Variants in ABCC5 observed in about 807,000 individuals in gnomAD.
ABCC5 encodes ATP binding cassette subfamily C member 5.
Under a neutral mutation model 160.9 loss-of-function variants are expected in ABCC5, and 61 were observed. That is an observed-to-expected ratio of 0.38 (90% CI 0.31 to 0.47). The LOEUF (loss-of-function observed/expected upper bound fraction) is 0.47. Among genes scored for constraint, ABCC5 ranks in the 20% least tolerant of loss-of-function variants. ABCC5 has a pLI of 0.99. For missense variants in ABCC5, 1,308 were observed against 1,813.3 expected (o/e 0.72, Z 5.06); for synonymous variants, 666 against 700.6 (o/e 0.95, Z 0.78).
chr3:183,994,851 CTA>C (rs1303397424), intron 2 of ABCC5, among the ~76,000 whole-genome samples: 6 of 140,634 alleles, frequency 4.3e-5, no homozygotes, highest in Non-Finnish European at 9.3e-5. Flanking sequence ...TGCCCATTTT[CTA>C]TGTTTTTTTT....
chr3:183,942,694 A>G, intron 25 of ABCC5, 33 bp downstream of exon 25: 1 of 1,601,050 alleles, frequency 6.2e-7, no homozygotes, highest in Non-Finnish European at 8.5e-7. Flanking sequence ...GCTACGTTCC[A>G]ATGGATTCAA....
chr3:183,976,336 G>C (rs1466669695), intron 10 of ABCC5, among the ~76,000 whole-genome samples: 1 of 152,016 alleles, frequency 6.6e-6, no homozygotes, highest in African/African-American at 2.4e-5. Flanking sequence ...CTCACTGCAG[G>C]CTCGACCTCC....
chr3:183,941,559 G>A (rs914960601), intron 25 of ABCC5, among the ~76,000 whole-genome samples: 10 of 151,364 alleles, frequency 6.6e-5, no homozygotes, highest in Non-Finnish European at 1.0e-4. Flanking sequence ...AGCTAGAAGA[G>A]TTTTGATGCC....
chr3:183,967,475 A>G (rs2108828429), intron 12 of ABCC5: 1 of 523,934 alleles, frequency 1.9e-6, no homozygotes, highest in African/African-American at 1.9e-5. Context: ...AGCTGGGACA[A>G]CAGTCAGTCA....
chr3:183,933,712 C>T (rs1477858828), intron 26 of ABCC5, among the ~76,000 whole-genome samples: 1 of 152,078 alleles, frequency 6.6e-6, no homozygotes, highest in Non-Finnish European at 1.5e-5. Flanking sequence ...AATTATCTGG[C>T]CTATGATTTA....
intron 26 of ABCC5, among the ~76,000 whole-genome samples, chr3:183,932,728 C>G (rs1713296004): frequency 6.6e-6 from 1 of 152,168 alleles, no homozygotes; most frequent in Admixed American, 6.6e-5. Flanking sequence ...CTTTGGGAGG[C>G]AGAGGTGGGA....
Position 183,952,013 on chromosome 3 carries a change from G to C in ABCC5, c.2668-10C>G. The C allele has an allele frequency of 6.2e-7, 1 of 1,603,652 alleles. No homozygotes were observed. The highest frequency in any genetic ancestry group is 8.5e-7 in the Non-Finnish European group (1 of 1,172,178). On this transcript the variant is annotated splice_polypyrimidine_tract_variant and intron_variant, in intron 18 of 29. Coordinates refer to ENST00000334444, the MANE Select transcript of ABCC5 (RefSeq NM_005688.4). ...GAGTCACAGTGGTGTTCTGTTTGAA[G>C]CCAAAGTTCTATGAGGCCAGACTCC... is the stretch of plus-strand genomic sequence containing the variant.
Position 183,921,553 on chromosome 3 carries a change from A to G in ABCC5, c.4213-152T>C. The G allele has an allele frequency of 2.0e-6, 1 of 494,294 alleles. No homozygotes were observed. The allele number at this position is 494,294 out of a possible 1,614,324, so 30.6% of individuals were successfully genotyped here. A position where few individuals can be genotyped will look rare whatever the true frequency, so the allele number is the denominator to read the frequency against. Reference sequence around the variant, plus strand: ...CGTGCACCTCCCCCCTTATTTTTTTATTTTCAACTATCCAGGGAGTAAGGG... The same window carrying G: ...CGTGCACCTCCCCCCTTATTTTTTTGTTTTCAACTATCCAGGGAGTAAGGG... On this transcript the variant is annotated intron_variant, in intron 29 of 29. Transcript: ENST00000334444. The surrounding 1 kb of genome is among the most constrained non-coding windows in gnomAD (Gnocchi z 4.1).
rs755404829 is a variant in ABCC5, at chr3:183,951,936, T to C, written c.2735A>G (p.Gln912Arg). ...GAGGGCGTAGATGCTGGCATAGTAC[T>C]GCATATGAGGATTGTCCTTCATGCT... ...SDSMKDNPHM[Q>R]YYASIYALSM... Residue 912 changes from glutamine to arginine, a missense_variant, in exon 19 of 30, where the codon CAG (glutamine) becomes CGG (arginine). Around this residue, in one of 3 missense-constraint regions of ABCC5, gnomAD observed 1,142 missense variants for 1,527.1 expected, o/e 0.75. Transcript: ENST00000334444. The surrounding 1 kb of genome is among the most constrained non-coding windows in gnomAD (Gnocchi z 4.7). The C allele has an allele frequency of 3.1e-6, 5 of 1,613,998 alleles. No homozygotes were observed. In the South Asian group the frequency reaches 5.5e-5, roughly 18 times the overall value.
chr3:183,970,130 C>T (rs1265940803), intron 11 of ABCC5, among the ~76,000 whole-genome samples: 2 of 152,172 alleles, frequency 1.3e-5, no homozygotes, highest in South Asian at 2.1e-4. Context: ...CTCCTCTTCC[C>T]ACTTGGAGTA....
chr3:184,003,663 G>T (rs1720937982), intron 2 of ABCC5, among the ~76,000 whole-genome samples: 1 of 152,170 alleles, frequency 6.6e-6, no homozygotes, highest in African/African-American at 2.4e-5. Flanking sequence ...TGATCAGCTA[G>T]CAATACAATT....
Position 183,981,883 on chromosome 3 carries a change from A to T in ABCC5, c.1000-9T>A. ...AGCCGTGATGCAAACATCTGAAAGG[A>T]AAAGCGATGCCACGCCAAATTAAAG... is the stretch of plus-strand genomic sequence containing the variant. On this transcript the variant is annotated splice_polypyrimidine_tract_variant and intron_variant, in intron 7 of 29. Coordinates refer to ENST00000334444, the MANE Select transcript of ABCC5 (RefSeq NM_005688.4). The T allele has an allele frequency of 1.9e-6, 3 of 1,587,556 alleles. No homozygotes were observed. Among genetic ancestry groups the T allele is most frequent in the Non-Finnish European group, 2.6e-6 (3 of 1,171,720 alleles).
intron 2 of ABCC5, among the ~76,000 whole-genome samples, chr3:184,006,932 A>G (rs1446425926): frequency 6.6e-6 from 1 of 151,922 alleles, no homozygotes; most frequent in Admixed American, 6.6e-5. Context: ...AATCCCACCA[A>G]TGACACACTT....
chr3:184,010,675 T>C (rs1280747124), intron 2 of ABCC5: 1 of 152,712 alleles, frequency 6.5e-6, no homozygotes, highest in Non-Finnish European at 1.5e-5. Flanking sequence ...TTCACCTATG[T>C]GGACACACTA....
chr3:183,921,228 GCGATGAGGGGCCCGCC>G lies in ABCC5; in HGVS notation c.*56_*71del, dbSNP rs1469376814. On this transcript the variant is annotated 3_prime_UTR_variant, in exon 30 of 30. Coordinates refer to ENST00000334444, the MANE Select transcript of ABCC5 (RefSeq NM_005688.4). The surrounding 1 kb of genome is among the most constrained non-coding windows in gnomAD (Gnocchi z 4.1). ...AAAGGCAAGGTTTCGGTAGGAGGAC[GCGATGAGGGGCCCGCC>G]CCAGGCAGGGAATGGCAATGCTCTA... 216 of 804,112 alleles carry G rather than the reference GCGATGAGGGGCCCGCC, an allele frequency of 2.7e-4. 1 individual carries two copies. Among genetic ancestry groups the G allele is most frequent in the Non-Finnish European group, 1.6e-5 (8 of 486,904 alleles). 49.8% of individuals were successfully genotyped at this position (804,112 alleles called of 1,614,324 possible). A position where few individuals can be genotyped will look rare whatever the true frequency, so the allele number is the denominator to read the frequency against.
chr3:183,948,396 A>G (rs1318925475), intron 22 of ABCC5, among the ~76,000 whole-genome samples: 2 of 152,202 alleles, frequency 1.3e-5, no homozygotes, highest in Non-Finnish European at 2.9e-5. Flanking sequence ...GTAGGTATAT[A>G]CACATGTACG....
At position 183,963,283 on chromosome 3, in the gene ABCC5, A is replaced by G; in HGVS notation, c.2235+102T>C. 7.8e-7 allele frequency: 1 copy of G among 1,286,170 alleles called. No homozygotes were observed. The allele number at this position is 1,286,170 out of a possible 1,614,324, so 79.7% of individuals were successfully genotyped here. ...GCTAAGAAAATGAAACCTTGATTCC[A>G]GGAATTTCTAGTTATAACACAAGGA... On this transcript the variant is annotated intron_variant, in intron 15 of 29. Transcript: ENST00000334444. This position sits in a 1 kb window ranked among gnomAD's most constrained non-coding sequence, Gnocchi z 4.6.
intron 26 of ABCC5, among the ~76,000 whole-genome samples, chr3:183,935,054 G>C (rs572587568): frequency 1.3e-5 from 2 of 150,672 alleles, no homozygotes; most frequent in Admixed American, 1.3e-4. Context: ...TGTTCCTGTG[G>C]CATCTAAAAA....
chr3:183,987,714 A>C lies in ABCC5; in HGVS notation c.591+56T>G. ...ACCTCTGCAACAGAATAAGAGTGTT[A>C]GAGCTGGCCGTGGCCGGGCCCCTGG... On this transcript the variant is annotated intron_variant, in intron 5 of 29. Transcript: ENST00000334444. The surrounding 1 kb of genome is among the most constrained non-coding windows in gnomAD (Gnocchi z 4.2). 1 of 1,610,768 alleles carries C rather than the reference A, an allele frequency of 6.2e-7. No individual in the cohort carries two copies. Among genetic ancestry groups the C allele is most frequent in the Non-Finnish European group, 8.5e-7 (1 of 1,178,042 alleles).
Sources: allele counts gnomAD v4.1 joint callset (sites outside exome capture counted in the v4.1 genomes callset), GRCh38; gene constraint gnomAD v4.1.1; regional missense constraint gnomAD v4.1.1; non-coding constraint Gnocchi (gnomAD v3.1); transcripts MANE v1.5; gene names NCBI Gene and HGNC (gene_info 2026-07-23, HGNC 2026-07-21).